Variants in AKAP13 observed in about 807,000 individuals in gnomAD.
AKAP13 encodes A-kinase anchoring protein 13.
In AKAP13, 80 loss-of-function variants were observed where a neutral mutation model predicts 264.5. The ratio of observed to expected loss-of-function variants is 0.30; its 90% CI spans 0.25 to 0.36. The LOEUF is 0.36. AKAP13 is among the 10% of genes least tolerant of loss of function. The pLI, the probability that AKAP13 is intolerant of heterozygous loss-of-function variation, is 1.00. For synonymous variants in AKAP13, 1,380 were observed against 1,250.2 expected (o/e 1.10, Z -2.19); for missense variants, 3,712 against 3,435.2 (o/e 1.08, Z -2.01).
chr15:85,532,462 G>T (rs1250573805), intron 3 of AKAP13, among the ~76,000 whole-genome samples: 3 of 152,192 alleles, frequency 2.0e-5, no homozygotes, highest in Non-Finnish European at 4.4e-5. Context: ...AGAGATTCAG[G>T]GAAGTGGCAC....
intron 10 of AKAP13, among the ~76,000 whole-genome samples, chr15:85,647,849 A>T (rs1206159563): frequency 1.3e-5 from 2 of 151,830 alleles, no homozygotes; most frequent in Non-Finnish European, 2.9e-5. Flanking sequence ...AATGGCGTGA[A>T]CCCGGGAGGC....
intron 3 of AKAP13, among the ~76,000 whole-genome samples, chr15:85,532,735 C>T (rs995113480): frequency 6.6e-5 from 10 of 152,178 alleles, no homozygotes; most frequent in Non-Finnish European, 1.5e-4. Context: ...GAAGGTCTTA[C>T]CCATAGACAC....
chr15:85,726,748 A>AT (rs1262345433), intron 27 of AKAP13, among the ~76,000 whole-genome samples: 1 of 152,206 alleles, frequency 6.6e-6, no homozygotes, highest in African/African-American at 2.4e-5. Context: ...TCACTGGAGC[A>AT]TTTCTCACAT....
chr15:85,731,085 A>G (rs534789590), intron 30 of AKAP13, among the ~76,000 whole-genome samples: 124 of 137,122 alleles, frequency 9.0e-4, no homozygotes, highest in African/African-American at 3.3e-3. Flanking sequence ...GCTCACTGCA[A>G]CCTCCCCCTC....
At chr15:85,484,769 C>G (rs911673323) in intron 1 of AKAP13, among the ~76,000 whole-genome samples, 1 of 152,178 alleles carries the variant, frequency 6.6e-6, no homozygotes, top group African/African-American at 2.4e-5. Context: ...TTGGTCATTT[C>G]AATTTCAGTG....
intron 1 of AKAP13, among the ~76,000 whole-genome samples, chr15:85,440,113 T>C (rs1463772051): frequency 6.6e-6 from 1 of 152,174 alleles, no homozygotes; most frequent in Non-Finnish European, 1.5e-5. Flanking sequence ...ACCCTTTATG[T>C]ATTTAGCAAT....
At chr15:85,536,519 C>T (rs900081914) in intron 4 of AKAP13, 2 of 152,204 alleles carry the variant, frequency 1.3e-5, no homozygotes, top group Non-Finnish European at 2.9e-5. Context: ...AGTCTGTGCA[C>T]GGACGTGCTC....
chr15:85,731,427 CT>C (rs1030726393), intron 30 of AKAP13, among the ~76,000 whole-genome samples: 2 of 151,646 alleles, frequency 1.3e-5, no homozygotes, highest in Admixed American at 1.3e-4. Context: ...CCCCCACCAT[CT>C]TTTTTTTTCC....
At chr15:85,655,179 G>A (rs2151518251) in intron 10 of AKAP13, among the ~76,000 whole-genome samples, 2 of 152,252 alleles carry the variant, frequency 1.3e-5, no homozygotes, top group East Asian at 3.9e-4. Context: ...GCGACAGAGT[G>A]AGACTGTCTC....
At chr15:85,500,533 C>T (rs528425750) in intron 2 of AKAP13, among the ~76,000 whole-genome samples, 3 of 152,174 alleles carry the variant, frequency 2.0e-5, no homozygotes, top group Non-Finnish European at 2.9e-5. Context: ...AAATAGCTCC[C>T]TTCAAGTACA....
At chr15:85,682,616 C>A (rs1370329354) in intron 15 of AKAP13, among the ~76,000 whole-genome samples, 2 of 152,074 alleles carry the variant, frequency 1.3e-5, no homozygotes, top group African/African-American at 4.8e-5. Context: ...AAGCTGTTTT[C>A]TTCTGTATAC....
At chr15:85,631,663 A>G (rs2081834094) in intron 8 of AKAP13, among the ~76,000 whole-genome samples, 1 of 152,170 alleles carries the variant, frequency 6.6e-6, no homozygotes. Flanking sequence ...GTAATGTACC[A>G]GTGTTGGTTT....
At chr15:85,697,942 C>T (rs1048516777) in intron 17 of AKAP13, among the ~76,000 whole-genome samples, 3 of 152,102 alleles carry the variant, frequency 2.0e-5, no homozygotes, top group Admixed American at 2.0e-4. Context: ...CTGCAAGCTA[C>T]TGTGTTTGAT....
At chr15:85,421,106 G>A (rs1286453670) in intron 1 of AKAP13, among the ~76,000 whole-genome samples, 2 of 152,188 alleles carry the variant, frequency 1.3e-5, no homozygotes, top group Admixed American at 1.3e-4. Flanking sequence ...AGTTTCTCAA[G>A]TTTTAGAAAA....
intron 14 of AKAP13, among the ~76,000 whole-genome samples, chr15:85,672,107 C>T (rs1031008671): frequency 6.6e-6 from 1 of 152,192 alleles, no homozygotes; most frequent in Admixed American, 6.5e-5. Context: ...TTCTGCTCAA[C>T]TCACCTAGGG....
chr15:85,679,372 C>T (rs1471345569), intron 14 of AKAP13, among the ~76,000 whole-genome samples: 2 of 152,114 alleles, frequency 1.3e-5, no homozygotes, highest in African/African-American at 4.8e-5. Context: ...CTTTTTGAAT[C>T]AAGTATCTTC....
At chr15:85,446,741 C>A (rs1187481548) in intron 1 of AKAP13, among the ~76,000 whole-genome samples, 1 of 144,894 alleles carries the variant, frequency 6.9e-6, no homozygotes, top group East Asian at 2.0e-4. Context: ...GACAGAGTCT[C>A]GCTGTGTTGT....
intron 1 of AKAP13, chr15:85,389,725 A>G (rs1017145711): frequency 6.6e-6 from 1 of 152,256 alleles, no homozygotes; most frequent in Non-Finnish European, 1.5e-5. Context: ...GAAGAGGCAC[A>G]TGGTACATAC....
intron 1 of AKAP13, among the ~76,000 whole-genome samples, chr15:85,412,848 A>G (rs547576168): frequency 2.6e-4 from 39 of 152,234 alleles, no homozygotes; most frequent in Non-Finnish European, 5.0e-4. Context: ...GGCACTTAAT[A>G]TGTGCCTGAC....
Sources: gnomAD v4.1 joint callset for allele counts (sites outside exome capture counted in the v4.1 genomes callset) on GRCh38, gnomAD v4.1.1 for gene constraint, MANE v1.5 for transcripts, NCBI Gene and HGNC (gene_info 2026-07-23, HGNC 2026-07-21) for gene names.